PKNOX2: variants seen among roughly 807,000 people sequenced by gnomAD.
PKNOX2 encodes PBX/knotted 1 homeobox 2.
In PKNOX2, 14 loss-of-function variants were observed where a neutral mutation model predicts 53.1. That is an observed-to-expected ratio of 0.26 (90% CI 0.17 to 0.41). The LOEUF (loss-of-function observed/expected upper bound fraction) is 0.41. PKNOX2 is among the 10% of genes least tolerant of loss of function. PKNOX2 has a pLI of 1.00. For synonymous variants in PKNOX2, 257 were observed against 242.8 expected, an observed-to-expected ratio of 1.06 and a Z score of -0.54; for missense variants, 496 against 602.8, an observed-to-expected ratio of 0.82 and a Z score of 1.85.
At chr11:125,327,867 C>G (rs1182256033) in intron 2 of PKNOX2, among the ~76,000 whole-genome samples, 1 of 152,160 alleles carries the variant, frequency 6.6e-6, no homozygotes, top group Non-Finnish European at 1.5e-5. Flanking sequence ...GAAGCGGTGC[C>G]CTGTGTGAGG....
At chr11:125,206,151 G>C (rs1939074277) in intron 1 of PKNOX2, among the ~76,000 whole-genome samples, 1 of 152,170 alleles carries the variant, frequency 6.6e-6, no homozygotes, top group Non-Finnish European at 1.5e-5. Flanking sequence ...AAAGGAGACA[G>C]AGTCCCCACC....
chr11:125,298,290 T>G (rs545085067), intron 2 of PKNOX2, among the ~76,000 whole-genome samples: 1 of 152,108 alleles, frequency 6.6e-6, no homozygotes, highest in African/African-American at 2.4e-5. Flanking sequence ...AATTCAGGCA[T>G]CCCACTGAGT....
At chr11:125,197,145 A>G (rs1168307077) in intron 1 of PKNOX2, among the ~76,000 whole-genome samples, 1 of 152,206 alleles carries the variant, frequency 6.6e-6, no homozygotes, top group African/African-American at 2.4e-5. Context: ...GAGGGGACAG[A>G]GATCTTGCTT....
At chr11:125,426,746 A>G (rs905412019) in intron 10 of PKNOX2, among the ~76,000 whole-genome samples, 19 of 152,214 alleles carry the variant, frequency 1.2e-4, no homozygotes, top group Non-Finnish European at 2.2e-4. Context: ...TGGTCTGCAC[A>G]CTGGAAATAA....
At chr11:125,295,632 G>A (rs944615367) in intron 2 of PKNOX2, among the ~76,000 whole-genome samples, 4 of 152,166 alleles carry the variant, frequency 2.6e-5, no homozygotes, top group African/African-American at 9.6e-5. Context: ...ACCAGAATAG[G>A]GTAGACCCTA....
At chr11:125,209,340 T>C (rs1939545972) in intron 1 of PKNOX2, among the ~76,000 whole-genome samples, 2 of 152,174 alleles carry the variant, frequency 1.3e-5, no homozygotes, top group South Asian at 2.1e-4. Context: ...GGGTAGATTT[T>C]GCATGTTGTA....
chr11:125,283,696 C>T (rs753484482), intron 2 of PKNOX2, among the ~76,000 whole-genome samples: 2 of 152,124 alleles, frequency 1.3e-5, no homozygotes, highest in East Asian at 3.8e-4. Context: ...AGAAGTGTCA[C>T]TTAAAAAGAA....
chr11:125,296,241 G>T (rs1403960551), intron 2 of PKNOX2, among the ~76,000 whole-genome samples: 1 of 151,946 alleles, frequency 6.6e-6, no homozygotes, highest in Non-Finnish European at 1.5e-5. Context: ...ATCAGATCAT[G>T]CCACTTCTGT....
chr11:125,337,947 T>C (rs1863447), intron 3 of PKNOX2, among the ~76,000 whole-genome samples: 13,031 of 152,228 alleles, frequency 0.086, 1,838 homozygotes, highest in African/African-American at 0.29. Flanking sequence ...CTGTTGGTTG[T>C]CTGACAGTCT....
intron 3 of PKNOX2, among the ~76,000 whole-genome samples, chr11:125,342,772 G>C (rs1041703084): frequency 6.6e-6 from 1 of 152,012 alleles, no homozygotes; most frequent in Non-Finnish European, 1.5e-5. Context: ...AGTGTCTCTG[G>C]GGGAGGGGCG....
chr11:125,224,789 AC>A (rs1371934005), intron 1 of PKNOX2, among the ~76,000 whole-genome samples: 3 of 152,178 alleles, frequency 2.0e-5, no homozygotes, highest in Non-Finnish European at 4.4e-5. Context: ...ATCAGCCAGC[AC>A]CGTACACATC....
intron 10 of PKNOX2, among the ~76,000 whole-genome samples, chr11:125,425,277 C>T (rs1956354554): frequency 6.6e-6 from 1 of 152,214 alleles, no homozygotes; most frequent in Non-Finnish European, 1.5e-5. Flanking sequence ...GACTTGATCC[C>T]ATCTCTGAAG....
intron 3 of PKNOX2, among the ~76,000 whole-genome samples, chr11:125,350,570 C>G (rs558368805): frequency 9.1e-4 from 138 of 152,306 alleles, no homozygotes; most frequent in Non-Finnish European, 1.7e-3. Flanking sequence ...GAAAGTCCTC[C>G]TTAATAGGAT....
intron 10 of PKNOX2, among the ~76,000 whole-genome samples, chr11:125,427,112 T>C (rs1451842892): frequency 1.3e-5 from 2 of 152,316 alleles, no homozygotes; most frequent in East Asian, 3.9e-4. Context: ...TGCTTGGCTC[T>C]TTCCCACAAA....
At chr11:125,201,858 G>T (rs559241838) in intron 1 of PKNOX2, among the ~76,000 whole-genome samples, 1 of 152,188 alleles carries the variant, frequency 6.6e-6, no homozygotes, top group Non-Finnish European at 1.5e-5. Context: ...AGCCCAGTGA[G>T]TTTAGCATCA....
At chr11:125,336,050 A>G (rs1253238615) in intron 3 of PKNOX2, among the ~76,000 whole-genome samples, 1 of 152,126 alleles carries the variant, frequency 6.6e-6, no homozygotes, top group Admixed American at 6.5e-5. Flanking sequence ...TATATGATTG[A>G]TAGCTTTCTG....
chr11:125,373,995 A>C (rs1010504107), intron 5 of PKNOX2, among the ~76,000 whole-genome samples: 1 of 152,022 alleles, frequency 6.6e-6, no homozygotes, highest in Non-Finnish European at 1.5e-5. Flanking sequence ...GAATCTCTCC[A>C]GGTTTGAGGC....
At chr11:125,363,196 A>T (rs951706818) in intron 4 of PKNOX2, among the ~76,000 whole-genome samples, 1 of 152,188 alleles carries the variant, frequency 6.6e-6, no homozygotes, top group Admixed American at 6.5e-5. Flanking sequence ...CTGGGATTAC[A>T]GGCGTGAGCC....
intron 2 of PKNOX2, among the ~76,000 whole-genome samples, chr11:125,263,192 A>G (rs1438574346): frequency 6.6e-6 from 1 of 152,104 alleles, no homozygotes. Context: ...TGCAATGGGG[A>G]GGACATTGCC....
Sources: gnomAD v4.1 joint callset for allele counts (sites outside exome capture counted in the v4.1 genomes callset) on GRCh38, gnomAD v4.1.1 for gene constraint, MANE v1.5 for transcripts, NCBI Gene and HGNC (gene_info 2026-07-23, HGNC 2026-07-21) for gene names.